The following CCSER2 variants were observed in gnomAD, a reference collection of about 807,000 sequenced individuals.
CCSER2 encodes the protein coiled-coil serine rich protein 2.
A neutral mutation model predicts 92.3 loss-of-function variants in CCSER2; 46 were observed. That is an observed-to-expected ratio of 0.50 (90% CI 0.39 to 0.64). The LOEUF is 0.64. Ranked by LOEUF, CCSER2 falls within the 30% of genes least tolerant of loss-of-function variation. The pLI is 0.00. For missense variants in CCSER2, 1,244 were observed against 1,238.9 expected, an observed-to-expected ratio of 1.00 and a Z score of -0.06; for synonymous variants, 433 against 431.4, an observed-to-expected ratio of 1.00 and a Z score of -0.04.
intron 9 of CCSER2, among the ~76,000 whole-genome samples, chr10:84,478,191 CTA>C (rs1287204273): frequency 2.0e-5 from 3 of 152,166 alleles, no homozygotes; most frequent in African/African-American, 7.2e-5. Context: ...TAGGAAGTAA[CTA>C]TGTATTCCAT....
chr10:84,404,324 T>A (rs1234561435), intron 3 of CCSER2, among the ~76,000 whole-genome samples: 1 of 152,242 alleles, frequency 6.6e-6, no homozygotes, highest in Non-Finnish European at 1.5e-5. Context: ...TGGAGTATTC[T>A]CAGCTTACTA....
intron 1 of CCSER2, among the ~76,000 whole-genome samples, chr10:84,335,730 T>C (rs1006829655): frequency 6.6e-6 from 1 of 152,208 alleles, no homozygotes; most frequent in Non-Finnish European, 1.5e-5. Context: ...TGTCATCATA[T>C]TAATGATATT....
In CCSER2 at chr10:84,514,301, A is replaced by G. The variant is rs890465579; in HGVS notation, c.*34A>G. The G allele has an allele frequency of 7.1e-7, 1 of 1,414,386 alleles. No homozygotes were observed. 87.6% of individuals were successfully genotyped at this position (1,414,386 alleles called of 1,614,324 possible). A position where few individuals can be genotyped will look rare whatever the true frequency, so the allele number is the denominator to read the frequency against. ...CCATCACCTGCCAATTTGTTTCTTA[A>G]AAACAATCTCTTCTGTAATAGCTTT... is the stretch of plus-strand genomic sequence containing the variant. On this transcript the variant is annotated 3_prime_UTR_variant, in exon 10 of 10. Coordinates refer to ENST00000372088, the MANE Select transcript of CCSER2 (RefSeq NM_001284240.2).
chr10:84,379,978 A>G (rs961018681), intron 3 of CCSER2, among the ~76,000 whole-genome samples: 1 of 152,194 alleles, frequency 6.6e-6, no homozygotes, highest in East Asian at 1.9e-4. Flanking sequence ...CTTTGATCAT[A>G]TAAGTCAGTT....
At chr10:84,465,990 G>A (rs1299590235) in intron 7 of CCSER2, among the ~76,000 whole-genome samples, 2 of 152,120 alleles carry the variant, frequency 1.3e-5, no homozygotes, top group Admixed American at 1.3e-4. Context: ...CGCCCGCTTC[G>A]GCGTCCCAAA....
At chr10:84,452,797 A>G (rs575262243) in intron 6 of CCSER2, among the ~76,000 whole-genome samples, 21 of 152,260 alleles carry the variant, frequency 1.4e-4, no homozygotes, top group Non-Finnish European at 2.5e-4. Context: ...TATTTTTTAG[A>G]AAGAGTATGT....
rs1564610607 is a variant in CCSER2 at position 84,373,625 on chromosome 10, G to A, written c.1424G>A (p.Ser475Asn). 10 of 1,609,012 alleles carry A rather than the reference G, an allele frequency of 6.2e-6. No homozygotes were observed. In the South Asian group the frequency reaches 9.9e-5, roughly 16 times the overall value. The change falls in exon 3 of 10, where the codon AGT becomes AAT. Residue 475 changes from serine (S) to asparagine (N), a missense_variant. Ser to Asn is a conservative substitution (Grantham distance 46). Transcript: ENST00000372088. ...AACCTTTTTTCTCTTGAAGACAGGA[G>A]TGAATGTACAAAACATACTTCTGGG... ...EWIDISVSDRSECTKHTSGNN... is the reference protein window; with the variant it reads ...EWIDISVSDRNECTKHTSGNN...
chr10:84,498,767 G>C (rs1047397352), intron 9 of CCSER2, among the ~76,000 whole-genome samples: 1 of 152,162 alleles, frequency 6.6e-6, no homozygotes, highest in African/African-American at 2.4e-5. Context: ...GATATTTTAA[G>C]AGTGTTTCAG....
At chr10:84,491,992 T>A (rs1388027398) in intron 9 of CCSER2, among the ~76,000 whole-genome samples, 1 of 152,132 alleles carries the variant, frequency 6.6e-6, no homozygotes, top group Non-Finnish European at 1.5e-5. Flanking sequence ...AAAAAATTGA[T>A]TTCTGGGCCA....
intron 1 of CCSER2, among the ~76,000 whole-genome samples, chr10:84,332,427 T>C (rs1256795318): frequency 2.4e-5 from 2 of 85,036 alleles, no homozygotes; most frequent in Non-Finnish European, 2.1e-5. Context: ...TATATATATA[T>C]ATATATATAT....
At chr10:84,491,634 C>G (rs2350733) in intron 9 of CCSER2, among the ~76,000 whole-genome samples, 54,087 of 151,946 alleles carry the variant, frequency 0.36, 11,513 homozygotes, top group East Asian at 0.5. Context: ...CAGGATCCGT[C>G]TGTCACCCCT....
chr10:84,329,728 C>T (rs1843457200), intron 1 of CCSER2, among the ~76,000 whole-genome samples: 1 of 152,124 alleles, frequency 6.6e-6, no homozygotes, highest in African/African-American at 2.4e-5. Flanking sequence ...TTAAGATGCT[C>T]TCCTGCAAAA....
At chr10:84,482,942 A>G (rs1847542484) in intron 9 of CCSER2, among the ~76,000 whole-genome samples, 2 of 152,218 alleles carry the variant, frequency 1.3e-5, no homozygotes, top group Non-Finnish European at 1.5e-5. Flanking sequence ...TAACTCTGTT[A>G]TATATAGCAA....
intron 5 of CCSER2, among the ~76,000 whole-genome samples, chr10:84,438,259 C>G (rs1335407757): frequency 6.6e-6 from 1 of 152,088 alleles, no homozygotes; most frequent in Non-Finnish European, 1.5e-5. Flanking sequence ...ATTCCGGTGC[C>G]TAAAGAAGGT....
intron 1 of CCSER2, among the ~76,000 whole-genome samples, chr10:84,359,161 G>C (rs1845361729): frequency 6.6e-6 from 1 of 151,670 alleles, no homozygotes; most frequent in Non-Finnish European, 1.5e-5. Context: ...AGTGCTTTAT[G>C]TCCAAAGGAT....
chr10:84,334,482 T>C (rs1843729042), intron 1 of CCSER2, among the ~76,000 whole-genome samples: 2 of 152,164 alleles, frequency 1.3e-5, no homozygotes, highest in African/African-American at 4.8e-5. Flanking sequence ...GAGTTACTTC[T>C]CTACCTTTAA....
intron 3 of CCSER2, among the ~76,000 whole-genome samples, chr10:84,416,065 G>A (rs1362514662): frequency 6.6e-6 from 1 of 152,224 alleles, no homozygotes; most frequent in Non-Finnish European, 1.5e-5. Flanking sequence ...ACAGCTCTGT[G>A]TATTGGTGAC....
intron 1 of CCSER2, among the ~76,000 whole-genome samples, chr10:84,354,761 C>G (rs61865021): frequency 0.12 from 18,722 of 151,446 alleles, 1,451 homozygotes; most frequent in Admixed American, 0.23. Flanking sequence ...AACACCCTCG[C>G]GTATGCTCTC....
At chr10:84,490,203 T>G (rs1848072514) in intron 9 of CCSER2, among the ~76,000 whole-genome samples, 1 of 152,220 alleles carries the variant, frequency 6.6e-6, no homozygotes, top group African/African-American at 2.4e-5. Context: ...TTGGTGAATC[T>G]GACAATTATG....
Sources: gnomAD v4.1 joint callset for allele counts (sites outside exome capture counted in the v4.1 genomes callset) on GRCh38, gnomAD v4.1.1 for gene constraint, MANE v1.5 for transcripts, NCBI Gene and HGNC (gene_info 2026-07-23, HGNC 2026-07-21) for gene names.